Variants in ERICH6B observed in about 807,000 individuals in gnomAD.
ERICH6B encodes glutamate-rich protein 6B.
In ERICH6B, 69 loss-of-function variants were observed where a neutral mutation model predicts 80.0. The observed-to-expected ratio is 0.86, with a 90% CI of 0.71 to 1.05. The LOEUF (loss-of-function observed/expected upper bound fraction) is 1.05, where lower values mean the gene tolerates loss of function less well. Ranked by LOEUF, ERICH6B falls within the 50% of genes least tolerant of loss-of-function variation. The pLI, the probability that ERICH6B is intolerant of heterozygous loss-of-function variation, is 0.00. For synonymous variants in ERICH6B, 283 were observed against 291.9 expected, an observed-to-expected ratio of 0.97 and a Z score of 0.31; for missense variants, 754 against 796.1, an observed-to-expected ratio of 0.95 and a Z score of 0.64.
rs780194094 is a variant in ERICH6B, at chr13:45,596,501, A to ACTC, written c.502_504dup (p.Glu168dup). On this transcript the variant is annotated inframe_insertion, in exon 3 of 15. Transcript: ENST00000298738. ...TCTAGATATGATTTCTTCCCCAGAT[A>ACTC]CTCCTCCTCCTCCAGATACGCTTTC... is the stretch of plus-strand genomic sequence containing the variant. The ACTC allele has an allele frequency of 2.6e-6, 4 of 1,549,118 alleles. No individual in the cohort carries two copies. The South Asian group carries it at 4.8e-5, about 18-fold the overall frequency.
chr13:45,557,058 GT>G (rs1479101695), intron 11 of ERICH6B, among the ~76,000 whole-genome samples: 1 of 152,052 alleles, frequency 6.6e-6, no homozygotes, highest in Non-Finnish European at 1.5e-5. Context: ...CCCCCCAGCA[GT>G]GTAGAAGTGT....
At chr13:45,546,183 A>G (rs1028057610) in intron 13 of ERICH6B, among the ~76,000 whole-genome samples, 5 of 152,106 alleles carry the variant, frequency 3.3e-5, no homozygotes, top group African/African-American at 1.2e-4. Context: ...TCCTGACCCT[A>G]TTCTGTGGGG....
intron 5 of ERICH6B, 99 bp downstream of exon 5, chr13:45,586,964 G>A (rs1875930091): frequency 3.2e-6 from 4 of 1,256,708 alleles, no homozygotes; most frequent in Admixed American, 2.6e-5. Flanking sequence ...AGCATGAAAG[G>A]CAATACTCGA....
At chr13:45,556,500 C>T (rs982671657) in intron 11 of ERICH6B, among the ~76,000 whole-genome samples, 4 of 152,058 alleles carry the variant, frequency 2.6e-5, no homozygotes, top group African/African-American at 7.2e-5. Flanking sequence ...TACCCATCAC[C>T]GAAGCAGTAA....
chr13:45,595,432 G>A (rs1876321746), intron 3 of ERICH6B, among the ~76,000 whole-genome samples: 1 of 151,840 alleles, frequency 6.6e-6, no homozygotes, highest in South Asian at 2.1e-4. Flanking sequence ...ATAAATAAGT[G>A]TATCTTTAAA....
At chr13:45,560,118 A>G (rs895235576) in intron 11 of ERICH6B, among the ~76,000 whole-genome samples, 1 of 152,182 alleles carries the variant, frequency 6.6e-6, no homozygotes, top group Non-Finnish European at 1.5e-5. Context: ...GCCTTTTATC[A>G]TTATATAATC....
intron 1 of ERICH6B, among the ~76,000 whole-genome samples, chr13:45,613,855 A>G (rs1284870139): frequency 1.3e-5 from 2 of 152,228 alleles, no homozygotes. Context: ...ACACAAGTGA[A>G]GAGGCCGGTA....
intron 13 of ERICH6B, among the ~76,000 whole-genome samples, chr13:45,549,533 C>T (rs1874127484): frequency 6.6e-6 from 1 of 152,280 alleles, no homozygotes; most frequent in East Asian, 1.9e-4. Context: ...GCATGTGTCT[C>T]CAAACCGTCA....
rs150337803 is a variant in ERICH6B at position 45,581,584 on chromosome 13, C to G, written c.857-919G>C. ...TAGAGGCAGAGTTTTGCCGTGTTGG[C>G]CAGTCTGGTCTCGAACTCCTGACCT... On this transcript the variant is annotated intron_variant, in intron 5 of 14. Transcript: ENST00000298738. 2.6e-5 allele frequency among the ~76,000 whole-genome samples: 4 copies of G among 152,298 alleles called. No individual in the cohort carries two copies. The East Asian group carries it at 5.8e-4, about 22-fold the overall frequency.
intron 9 of ERICH6B, among the ~76,000 whole-genome samples, 161 bp from the exon 10 acceptor site, chr13:45,563,949 C>G (rs1874807411): frequency 6.6e-6 from 1 of 152,110 alleles, no homozygotes; most frequent in Non-Finnish European, 1.5e-5. Flanking sequence ...GAGTCAATGC[C>G]CAGGAGTAAA....
chr13:45,588,952 G>T (rs1876043178), intron 4 of ERICH6B, among the ~76,000 whole-genome samples: 2 of 152,144 alleles, frequency 1.3e-5, no homozygotes, highest in East Asian at 1.9e-4. Flanking sequence ...GGAGGGCCGG[G>T]CATGTGCCTG....
At chr13:45,583,759 C>T (rs146874080) in intron 5 of ERICH6B, among the ~76,000 whole-genome samples, 38 of 152,324 alleles carry the variant, frequency 2.5e-4, no homozygotes, top group South Asian at 2.3e-3. Context: ...CTCTCTCTTG[C>T]CTGCTGCCAT....
intron 11 of ERICH6B, among the ~76,000 whole-genome samples, chr13:45,554,507 G>C (rs1874354824): frequency 6.6e-6 from 1 of 152,186 alleles, no homozygotes; most frequent in Non-Finnish European, 1.5e-5. Flanking sequence ...CCACCCAAAA[G>C]CCAGAATTTC....
chr13:45,583,432 T>C (rs1403416867), intron 5 of ERICH6B, among the ~76,000 whole-genome samples: 1 of 152,206 alleles, frequency 6.6e-6, no homozygotes, highest in Non-Finnish European at 1.5e-5. Context: ...TTCCTACATT[T>C]ATTGTTGAGA....
At chr13:45,551,448 C>T (rs1426746013) in intron 11 of ERICH6B, 1 of 152,138 alleles carries the variant, frequency 6.6e-6, no homozygotes, top group East Asian at 1.9e-4. Flanking sequence ...CCTTCACATC[C>T]TCCTCCTCCT....
chr13:45,610,052 C>G (rs1949890661), intron 1 of ERICH6B, among the ~76,000 whole-genome samples: 1 of 152,170 alleles, frequency 6.6e-6, no homozygotes, highest in Non-Finnish European at 1.5e-5. Flanking sequence ...GAGAGACCAC[C>G]AGGCCAGGAG....
At chr13:45,576,424 G>A (rs1593789895) in intron 7 of ERICH6B, among the ~76,000 whole-genome samples, 1 of 152,144 alleles carries the variant, frequency 6.6e-6, no homozygotes, top group Admixed American at 6.5e-5. Flanking sequence ...ATGTGTTCCC[G>A]AACTGTCTGC....
At chr13:45,589,313 G>A (rs1172912214) in intron 4 of ERICH6B, among the ~76,000 whole-genome samples, 1 of 152,148 alleles carries the variant, frequency 6.6e-6, no homozygotes, top group Non-Finnish European at 1.5e-5. Flanking sequence ...GAACCCATTG[G>A]AAACCCCCTC....
At position 45,561,301 on chromosome 13, in the gene ERICH6B, G is replaced by A. The variant is rs549395111; in HGVS notation, c.1407+68C>T. ...TCCTTACAGCTCTCTGGTGGTGTAT[G>A]CACACCTCACCAGAGCCAAAAAAAA... On this transcript the variant is annotated intron_variant, in intron 11 of 14. Transcript: ENST00000298738. The A allele has an allele frequency of 2.7e-6, 4 of 1,466,442 alleles. No homozygotes were observed. In the Admixed American group the frequency reaches 6.4e-5, roughly 24 times the overall value. 90.8% of individuals were successfully genotyped at this position (1,466,442 alleles called of 1,614,324 possible).
Sources: allele counts gnomAD v4.1 joint callset (sites outside exome capture counted in the v4.1 genomes callset), GRCh38; gene constraint gnomAD v4.1.1; transcripts MANE v1.5; gene names NCBI Gene and HGNC (gene_info 2026-07-23, HGNC 2026-07-21).